The following UBE2E2 variants were observed in gnomAD, a reference collection of about 807,000 sequenced individuals.
UBE2E2 encodes ubiquitin-conjugating enzyme E2 E2.
UBE2E2 carries 6 observed loss-of-function variants against 24.7 expected under a neutral mutation model. The observed-to-expected ratio is 0.24, with a 90% CI of 0.13 to 0.48. The LOEUF (loss-of-function observed/expected upper bound fraction) is 0.48. UBE2E2 is among the 20% of genes least tolerant of loss of function. The probability of loss-of-function intolerance (pLI) is 0.99; values close to 1 mark genes in which losing one functional copy is unlikely to be tolerated. For missense variants in UBE2E2, 169 were observed against 245.0 expected (o/e 0.69, Z 2.07); for synonymous variants, 104 against 83.6 (o/e 1.24, Z -1.33).
At chr3:23,239,737 C>G (rs1697209511) in intron 3 of UBE2E2, among the ~76,000 whole-genome samples, 1 of 152,150 alleles carries the variant, frequency 6.6e-6, no homozygotes, top group Admixed American at 6.5e-5. Flanking sequence ...AGGCACTGTG[C>G]TAAGTCTGTT....
intron 4 of UBE2E2, among the ~76,000 whole-genome samples, chr3:23,511,313 G>A (rs749786414): frequency 2.6e-5 from 4 of 152,228 alleles, no homozygotes; most frequent in Non-Finnish European, 4.4e-5. Flanking sequence ...GGATCACCCT[G>A]TTGAGAACCA....
intron 3 of UBE2E2, among the ~76,000 whole-genome samples, chr3:23,433,828 A>G (rs938857849): frequency 2.0e-5 from 3 of 151,986 alleles, no homozygotes; most frequent in Admixed American, 1.3e-4. Flanking sequence ...GAAGTATATC[A>G]TGTCTTGCTT....
Position 23,483,196 on chromosome 3 carries a change from T to C in UBE2E2, c.228-16412T>C, listed in dbSNP as rs62255783. ...TTGCATGGAAAAGAAGATGAGCTTT[T>C]CAGTGCTCGTCTAGGTTTGAAATAC... On this transcript the variant is annotated intron_variant, in intron 3 of 5. Transcript: ENST00000396703. Among the ~76,000 whole-genome samples, 692 of 152,314 alleles carry C rather than the reference T, an allele frequency of 4.5e-3. 6 individuals carry two copies. Among genetic ancestry groups the C allele is most frequent in the Non-Finnish European group, 8.1e-3 (548 of 68,008 alleles).
intron 5 of UBE2E2, among the ~76,000 whole-genome samples, chr3:23,562,798 G>C (rs1414939383): frequency 1.3e-5 from 2 of 152,184 alleles, no homozygotes; most frequent in East Asian, 3.8e-4. Flanking sequence ...TTAGTCTTGG[G>C]AGGGTGTAAG....
chr3:23,296,019 C>A (rs1226636126), intron 3 of UBE2E2, among the ~76,000 whole-genome samples: 1 of 152,150 alleles, frequency 6.6e-6, no homozygotes, highest in Admixed American at 6.6e-5. Flanking sequence ...GCTTATAGCT[C>A]TCATAGCTTC....
intron 3 of UBE2E2, among the ~76,000 whole-genome samples, chr3:23,277,783 A>T (rs996417853): frequency 6.6e-6 from 1 of 152,062 alleles, no homozygotes; most frequent in Non-Finnish European, 1.5e-5. Context: ...AACAGTAAAG[A>T]TATTGGTGCC....
intron 5 of UBE2E2, among the ~76,000 whole-genome samples, chr3:23,550,183 A>G (rs1200702884): frequency 1.3e-5 from 2 of 152,218 alleles, no homozygotes; most frequent in Non-Finnish European, 2.9e-5. Flanking sequence ...ACTTGATTTA[A>G]TGATTTTAAT....
At chr3:23,299,731 G>T (rs1393804647) in intron 3 of UBE2E2, among the ~76,000 whole-genome samples, 1 of 152,170 alleles carries the variant, frequency 6.6e-6, no homozygotes, top group African/African-American at 2.4e-5. Context: ...GAGTAGGTGT[G>T]GTGTGGTGCT....
chr3:23,234,201 T>C (rs960255181), intron 3 of UBE2E2, among the ~76,000 whole-genome samples: 1 of 115,884 alleles, frequency 8.6e-6, no homozygotes, highest in African/African-American at 2.9e-5. Context: ...CTCTGTGCCC[T>C]TTTTTTTTTT....
chr3:23,333,060 T>A (rs1695108683), intron 3 of UBE2E2, among the ~76,000 whole-genome samples: 1 of 152,150 alleles, frequency 6.6e-6, no homozygotes, highest in Non-Finnish European at 1.5e-5. Context: ...CATCTGCAGG[T>A]CCCACTGATA....
At chr3:23,388,472 T>G (rs1198311704) in intron 3 of UBE2E2, among the ~76,000 whole-genome samples, 1 of 152,226 alleles carries the variant, frequency 6.6e-6, no homozygotes, top group Non-Finnish European at 1.5e-5. Flanking sequence ...TATTTACAAG[T>G]GCATTTTTGT....
intron 3 of UBE2E2, among the ~76,000 whole-genome samples, chr3:23,495,815 T>G (rs1247905440): frequency 6.6e-6 from 1 of 152,170 alleles, no homozygotes; most frequent in African/African-American, 2.4e-5. Context: ...AATGGGGTGA[T>G]GGGGGAGGAA....
In UBE2E2 at chr3:23,224,156, G is replaced by GTTT. The variant is rs531661466; in HGVS notation, c.227+6866_227+6868dup. On this transcript the variant is annotated intron_variant, in intron 3 of 5. Transcript: ENST00000396703. The stretch of plus-strand genomic sequence containing the variant: ...TCTTGTGGTTCCATGTAAATTTTAG[G>GTTT]TTTTTTTTTTTTTTTTTTTTTTTTA... Among the ~76,000 whole-genome samples the GTTT allele has an allele frequency of 2.9e-3, 275 of 93,652 alleles. 2 individuals are homozygous for GTTT. The highest frequency in any genetic ancestry group is 0.02 in the Middle Eastern group (2 of 102). The allele number at this position is 93,652 out of a possible 152,430, so 61.4% of individuals were successfully genotyped here. A position where few individuals can be genotyped will look rare whatever the true frequency, so the allele number is the denominator to read the frequency against.
At chr3:23,382,965 A>G (rs933062506) in intron 3 of UBE2E2, among the ~76,000 whole-genome samples, 8 of 152,208 alleles carry the variant, frequency 5.3e-5, no homozygotes, top group African/African-American at 1.7e-4. Context: ...GAGCATTGTA[A>G]TGTACGTTAA....
intron 4 of UBE2E2, among the ~76,000 whole-genome samples, chr3:23,521,771 A>G (rs1040286538): frequency 1.3e-5 from 2 of 152,094 alleles, no homozygotes; most frequent in African/African-American, 4.8e-5. Context: ...ATGTAGCTCA[A>G]GACGATTCTT....
chr3:23,496,255 T>C (rs1185069832), intron 3 of UBE2E2, among the ~76,000 whole-genome samples: 1 of 152,172 alleles, frequency 6.6e-6, no homozygotes, highest in Non-Finnish European at 1.5e-5. Flanking sequence ...TTTCTTAATA[T>C]AAGAATTTGG....
At chr3:23,365,196 C>A (rs1466428591) in intron 3 of UBE2E2, among the ~76,000 whole-genome samples, 7 of 152,166 alleles carry the variant, frequency 4.6e-5, no homozygotes, top group Non-Finnish European at 1.0e-4. Context: ...TGGAAGCATT[C>A]CCCTTGAGAA....
At chr3:23,387,180 C>A (rs769458890) in intron 3 of UBE2E2, among the ~76,000 whole-genome samples, 6 of 152,160 alleles carry the variant, frequency 3.9e-5, no homozygotes, top group Non-Finnish European at 8.8e-5. Context: ...ATGTAGTATT[C>A]CTATTCCTGA....
intron 4 of UBE2E2, among the ~76,000 whole-genome samples, chr3:23,501,894 C>G (rs540134116): frequency 1.1e-4 from 16 of 151,776 alleles, no homozygotes; most frequent in African/African-American, 3.9e-4. Flanking sequence ...TGAATTGGAC[C>G]AGACAATCTC....
Sources: gnomAD v4.1 joint callset for allele counts (sites outside exome capture counted in the v4.1 genomes callset) on GRCh38, gnomAD v4.1.1 for gene constraint, MANE v1.5 for transcripts, NCBI Gene and HGNC (gene_info 2026-07-23, HGNC 2026-07-21) for gene names.